The following RASA2 variants were observed in gnomAD, a reference collection of about 807,000 sequenced individuals.
RASA2 encodes the protein RAS p21 protein activator 2, also known as ras GTPase-activating protein 2.
A neutral mutation model predicts 118.2 loss-of-function variants in RASA2; 155 were observed. The observed-to-expected ratio is 1.31, with a 90% CI of 1.15 to 1.50. The LOEUF (loss-of-function observed/expected upper bound fraction) is 1.50. RASA2 is among the 40% of genes most tolerant of loss of function. RASA2 has a pLI of 0.00. For synonymous variants in RASA2, 353 were observed against 349.1 expected (o/e 1.01, Z -0.12); for missense variants, 1,016 against 1,009.6 (o/e 1.01, Z -0.09).
intron 8 of RASA2, 85 bp downstream of exon 8, chr3:141,559,047 TAATAGAATTCTCTATAGC>T: frequency 8.8e-7 from 1 of 1,139,062 alleles, no homozygotes; most frequent in Admixed American, 2.2e-5. Context: ...AAACCAACTT[TAATAGAATTCTCTATAGC>T]AAGTTGGTTG....
Position 141,614,604 on chromosome 3 carries a change from T to C in RASA2, c.*2291T>C, listed in dbSNP as rs916096998. 1.3e-5 allele frequency: 2 copies of C among 152,200 alleles called. No homozygotes were observed. Among genetic ancestry groups the C allele is most frequent in the Non-Finnish European group, 2.9e-5 (2 of 68,026 alleles). 9.4% of individuals were successfully genotyped at this position (152,200 alleles called of 1,614,324 possible). On this transcript the variant is annotated 3_prime_UTR_variant, in exon 24 of 24. Coordinates refer to ENST00000286364, the MANE Select transcript of RASA2 (RefSeq NM_006506.5). ...CCAGGAAGGAAAGAAAAGGATGATATGGGGAAATTTGCCATAAATGCCGGT... is the reference window on the plus strand; with the variant it reads ...CCAGGAAGGAAAGAAAAGGATGATACGGGGAAATTTGCCATAAATGCCGGT...
chr3:141,558,888 A>G lies in RASA2; in HGVS notation c.687A>G (p.Val229=). The part of the protein sequence containing the change: ...PQFNEIFYFE[V]TRSSSYTRKS... Reference sequence around the variant, plus strand: ...TTACTAAAATATTTTGTTTACAGGTAACCAGATCCAGTAGTTACACCAGAA... The same window carrying G: ...TTACTAAAATATTTTGTTTACAGGTGACCAGATCCAGTAGTTACACCAGAA... Residue 229 remains valine, a splice_region_variant and synonymous_variant, in exon 8 of 24, where the codon GTA becomes GTG. Transcript: ENST00000286364. 1.1e-5 allele frequency: 18 copies of G among 1,595,826 alleles called. No individual in the cohort carries two copies. Among genetic ancestry groups the G allele is most frequent in the Non-Finnish European group, 1.5e-5 (18 of 1,165,004 alleles).
chr3:141,575,354 C>T (rs1418482690), intron 14 of RASA2, among the ~76,000 whole-genome samples: 4 of 152,120 alleles, frequency 2.6e-5, no homozygotes, highest in African/African-American at 4.8e-5. Flanking sequence ...ATTATAGTTG[C>T]AAATAAGTAA....
intron 15 of RASA2, among the ~76,000 whole-genome samples, chr3:141,577,800 A>G (rs1366339612): frequency 6.6e-6 from 1 of 152,174 alleles, no homozygotes; most frequent in East Asian, 1.9e-4. Flanking sequence ...AATACTGTAA[A>G]CATGAGATTT....
At position 141,512,145 on chromosome 3, in the gene RASA2, T is replaced by A. The variant is rs760317001; in HGVS notation, c.134-18T>A. The A allele has an allele frequency of 1.3e-6, 2 of 1,542,638 alleles. No individual in the cohort carries two copies. The highest frequency in any genetic ancestry group is 2.3e-5 in the East Asian group (1 of 44,292). On this transcript the variant is annotated intron_variant, in intron 1 of 23. Coordinates refer to ENST00000286364, the MANE Select transcript of RASA2 (RefSeq NM_006506.5). ...AGTTGATGATATTTAATAACAATTT[T>A]AAATTTTATGCCAACAGGTGAAGCA...
At chr3:141,571,830 A>G (rs1252234276) in intron 11 of RASA2, among the ~76,000 whole-genome samples, 1 of 152,042 alleles carries the variant, frequency 6.6e-6, no homozygotes, top group African/African-American at 2.4e-5. Flanking sequence ...ACGTGTCACA[A>G]GTTAAAACAC....
chr3:141,552,270 A>G (rs2082586433), intron 5 of RASA2, among the ~76,000 whole-genome samples: 3 of 152,022 alleles, frequency 2.0e-5, no homozygotes, highest in Admixed American at 2.0e-4. Flanking sequence ...GTTTCTCATA[A>G]TTGGTGTTTA....
At chr3:141,499,404 A>G (rs1218633753) in intron 1 of RASA2, among the ~76,000 whole-genome samples, 2 of 152,162 alleles carry the variant, frequency 1.3e-5, no homozygotes, top group Non-Finnish European at 2.9e-5. Flanking sequence ...GTACTTATAT[A>G]TAGTTCAGGT....
At position 141,529,763 on chromosome 3, in the gene RASA2, G is replaced by T. The variant is rs764355079; in HGVS notation, c.411G>T (p.Trp137Cys). ...GTAATCACAGTGGCAAAGAAACTTG[G>T]TTTTCATTACAGCCTGTTGACTCCA... ...DLCNHSGKET[W>C]FSLQPVDSNS... The change falls in exon 4 of 24, where the codon TGG becomes TGT. Residue 137 changes from tryptophan to cysteine, a missense_variant. Physicochemically the swap from Trp to Cys is radical, Grantham distance 215 (BLOSUM62 -2). This residue lies in a region of RASA2 where 896 missense variants were observed against 836.4 expected (regional missense o/e 1.07). Transcript: ENST00000286364. 1 of 1,612,102 alleles carries T rather than the reference G, an allele frequency of 6.2e-7. No homozygotes were observed. Among genetic ancestry groups the T allele is most frequent in the Non-Finnish European group, 8.5e-7 (1 of 1,178,730 alleles).
Position 141,599,281 on chromosome 3 carries a change from T to C in RASA2, c.1934-8397T>C, listed in dbSNP as rs187933135. 1.1e-4 allele frequency among the ~76,000 whole-genome samples: 16 copies of C among 151,406 alleles called. No homozygotes were observed. The East Asian group carries it at 2.9e-3, about 27-fold the overall frequency. Reference sequence around the variant, plus strand: ...TTTTGGTTTATAAAGTGTAATTTTATTTTATGTTACTCTGCTGTTACATAG... The same window carrying C: ...TTTTGGTTTATAAAGTGTAATTTTACTTTATGTTACTCTGCTGTTACATAG... On this transcript the variant is annotated intron_variant, in intron 19 of 23. Coordinates refer to ENST00000286364, the MANE Select transcript of RASA2 (RefSeq NM_006506.5).
In RASA2 at chr3:141,586,101, A is replaced by G. The variant is rs2083197465; in HGVS notation, c.1826+3A>G. 1 of 1,588,738 alleles carries G rather than the reference A, an allele frequency of 6.3e-7. No homozygotes were observed. Among genetic ancestry groups the G allele is most frequent in the South Asian group, 1.1e-5 (1 of 90,346 alleles). On this transcript the variant is annotated splice_donor_region_variant and intron_variant, in intron 18 of 23. Transcript: ENST00000286364. ...GAGCCTGTGCACCTGAAAGAAGGGT[A>G]ATTTAATCAAATTAGACGTGAAAGT... is the stretch of plus-strand genomic sequence containing the variant.
rs148112853 is a variant in RASA2, at chr3:141,564,588, T to C, written c.863+4593T>C. Among the ~76,000 whole-genome samples the C allele has an allele frequency of 1.7e-3, 266 of 152,316 alleles. 1 individual carries two copies. The highest frequency in any genetic ancestry group is 6.0e-3 in the African/African-American group (251 of 41,564). On this transcript the variant is annotated intron_variant, in intron 9 of 23. Transcript: ENST00000286364. ...CTGTTTCCTTGGCAAGACTGTTGTCTTAGCTGAGAGATTCTTAAGGCTGCA... is the reference window on the plus strand; with the variant it reads ...CTGTTTCCTTGGCAAGACTGTTGTCCTAGCTGAGAGATTCTTAAGGCTGCA...
chr3:141,551,947 GCTTA>G (rs1435251863), intron 5 of RASA2, among the ~76,000 whole-genome samples: 1 of 152,030 alleles, frequency 6.6e-6, no homozygotes, highest in African/African-American at 2.4e-5. Flanking sequence ...ATATGAAATT[GCTTA>G]CTTACAGATT....
intron 13 of RASA2, 132 bp from the exon 14 acceptor site, chr3:141,573,812 G>A (rs918020498): frequency 3.0e-6 from 2 of 668,236 alleles, no homozygotes; most frequent in Non-Finnish European, 4.3e-6. Flanking sequence ...TTGGAAAAGG[G>A]TAACAGTACT....
intron 3 of RASA2, among the ~76,000 whole-genome samples, chr3:141,522,364 A>G (rs1468665218): frequency 6.6e-6 from 1 of 152,146 alleles, no homozygotes; most frequent in Non-Finnish European, 1.5e-5. Context: ...TGGCAGGTTC[A>G]TGTTCCAGGG....
chr3:141,594,636 T>C (rs2107786223), intron 19 of RASA2, among the ~76,000 whole-genome samples: 1 of 152,240 alleles, frequency 6.6e-6, no homozygotes, highest in East Asian at 1.9e-4. Flanking sequence ...CTGTTTAAAA[T>C]GCTAAAGGAA....
At chr3:141,578,012 A>G (rs1329091233) in intron 15 of RASA2, among the ~76,000 whole-genome samples, 1 of 152,196 alleles carries the variant, frequency 6.6e-6, no homozygotes, top group Non-Finnish European at 1.5e-5. Flanking sequence ...AATCTTACCT[A>G]ATTGCTCCTA....
intron 1 of RASA2, among the ~76,000 whole-genome samples, chr3:141,495,509 A>C (rs769072799): frequency 1.5e-4 from 22 of 150,836 alleles, no homozygotes; most frequent in Non-Finnish European, 2.6e-4. Context: ...TAAAGTAAAA[A>C]TTAATCAGGG....
Position 141,570,920 on chromosome 3 carries a change from T to C in RASA2, c.872T>C (p.Leu291Pro), listed in dbSNP as rs761645446. Residue 291 changes from leucine (L) to proline (P), a missense_variant, in exon 10 of 24, where the codon CTA (leucine) becomes CCA (proline). Physicochemically the swap from Leu to Pro is moderately conservative, Grantham distance 98. Transcript: ENST00000286364. Reference sequence around the variant, plus strand: ...TTATATTTTTACTTTAGGTACTTGCTACAGCCAAGAGACAATGGAAACAAG... The same window carrying C: ...TTATATTTTTACTTTAGGTACTTGCCACAGCCAAGAGACAATGGAAACAAG... ...TDSSHQAWYL[L>P]QPRDNGNKSS... The C allele has an allele frequency of 6.2e-7, 1 of 1,604,636 alleles. No individual in the cohort carries two copies.
Sources: gnomAD v4.1 joint callset for allele counts (sites outside exome capture counted in the v4.1 genomes callset) on GRCh38, gnomAD v4.1.1 for gene constraint, gnomAD v4.1.1 regional missense constraint, MANE v1.5 for transcripts, NCBI Gene and HGNC (gene_info 2026-07-23, HGNC 2026-07-21) for gene names.